The following DPPA2 variants were observed in gnomAD, a reference collection of about 807,000 sequenced individuals.
The protein encoded by DPPA2 is developmental pluripotency associated 2.
A neutral mutation model predicts 36.2 loss-of-function variants in DPPA2; 26 were observed. The observed-to-expected ratio is 0.72, with a 90% confidence interval of 0.53 to 1.00. The LOEUF (loss-of-function observed/expected upper bound fraction) is 1.00. Ranked by LOEUF, DPPA2 falls within the 50% of genes least tolerant of loss-of-function variation. DPPA2 has a pLI of 0.00. For missense variants in DPPA2, 361 were observed against 365.1 expected (o/e 0.99, Z 0.09); for synonymous variants, 113 against 123.2 (o/e 0.92, Z 0.55).
At chr3:109,297,515 TGA>T (rs998169457) in intron 8 of DPPA2, among the ~76,000 whole-genome samples, 4 of 150,690 alleles carry the variant, frequency 2.7e-5, no homozygotes, top group African/African-American at 4.9e-5. Context: ...CTGCACTCTC[TGA>T]GAGAGTCTGT....
intron 8 of DPPA2, among the ~76,000 whole-genome samples, chr3:109,298,920 T>C (rs967059266): frequency 1.3e-5 from 2 of 151,470 alleles, no homozygotes; most frequent in South Asian, 4.2e-4. Context: ...ATGGTGTGTG[T>C]CTGTAGTCCC....
chr3:109,297,754 CA>C (rs1707379726), intron 8 of DPPA2, among the ~76,000 whole-genome samples: 1 of 152,016 alleles, frequency 6.6e-6, no homozygotes. Flanking sequence ...ATCTGAAAGC[CA>C]ATATGAAAAG....
rs181081250 is a variant in DPPA2, at chr3:109,311,662, C to T, written c.181+883G>A. Reference sequence around the variant, plus strand: ...GGCTGAGGCAGGAGAATCGCTTGAACCCAGGAGGCGGAGGTTGCAGTGAGC... The same window carrying T: ...GGCTGAGGCAGGAGAATCGCTTGAATCCAGGAGGCGGAGGTTGCAGTGAGC... On this transcript the variant is annotated intron_variant, in intron 3 of 8. Coordinates refer to ENST00000478945, the MANE Select transcript of DPPA2 (RefSeq NM_138815.4). 1.8e-4 allele frequency among the ~76,000 whole-genome samples: 28 copies of T among 151,948 alleles called. No homozygotes were observed. In the East Asian group the frequency reaches 5.4e-3, roughly 29 times the overall value.
intron 8 of DPPA2, among the ~76,000 whole-genome samples, chr3:109,297,719 G>C (rs1707379175): frequency 6.6e-6 from 1 of 152,168 alleles, no homozygotes; most frequent in Admixed American, 6.6e-5. Context: ...GACAACACAT[G>C]GAGGAATCTT....
Position 109,309,054 on chromosome 3 carries a change from T to G in DPPA2, c.368A>C (p.His123Pro). Residue 123 changes from histidine (H) to proline (P), a missense_variant, in exon 5 of 9, where the codon CAT (histidine) becomes CCT (proline). Transcript: ENST00000478945. ...GKKIEVYLRL[H>P]RHAYPEQRQD... is the part of the protein sequence containing the mutation. ...CCGTTGTTCAGGGTAAGCATGCCTA[T>G]GAAGCCTCAGATAAACTTCGATTTT... The G allele has an allele frequency of 6.2e-7, 1 of 1,614,206 alleles. No homozygotes were observed. Among genetic ancestry groups the G allele is most frequent in the Non-Finnish European group, 8.5e-7 (1 of 1,180,040 alleles).
intron 8 of DPPA2, among the ~76,000 whole-genome samples, chr3:109,297,520 G>C (rs1264898509): frequency 1.3e-5 from 2 of 150,998 alleles, no homozygotes; most frequent in Non-Finnish European, 3.0e-5. Context: ...CTCTCTGAGA[G>C]AGTCTGTCTC....
Position 109,308,177 on chromosome 3 carries a change from C to A in DPPA2, c.513G>T (p.Glu171Asp), listed in dbSNP as rs773197973. 6.2e-7 allele frequency: 1 copy of A among 1,614,216 alleles called. No individual in the cohort carries two copies. Among genetic ancestry groups the A allele is most frequent in the Non-Finnish European group, 8.5e-7 (1 of 1,180,040 alleles). ...AAGTTATCACTTCAACTGTATTGGT[C>A]TCTTCTGCTCTCTCATTCATCTCAT... ...RSYEMNERAE[E>D]TNTVEVITSA... The change falls in exon 6 of 9, where the codon GAG (glutamate) becomes GAT (aspartate). Residue 171 changes from glutamate to aspartate, a missense_variant. By Grantham distance (45) the Glu-to-Asp change is conservative (BLOSUM62 2). Transcript: ENST00000478945.
chr3:109,303,282 C>T (rs1707490979), intron 7 of DPPA2, among the ~76,000 whole-genome samples: 1 of 151,882 alleles, frequency 6.6e-6, no homozygotes, highest in Non-Finnish European at 1.5e-5. Context: ...AACTGGTAAG[C>T]TCTTCCTCAG....
Position 109,300,362 on chromosome 3 carries a change from A to T in DPPA2, c.*22+9T>A. 3 of 1,605,048 alleles carry T rather than the reference A, an allele frequency of 1.9e-6. No individual in the cohort carries two copies. The highest frequency in any genetic ancestry group is 2.6e-6 in the Non-Finnish European group (3 of 1,172,252). ...ACTTATTTTGAGGTGGCATATTCTC[A>T]TCTCTTACATTGTATTCAAACAGGT... On this transcript the variant is annotated intron_variant, in intron 8 of 8. Transcript: ENST00000478945.
chr3:109,298,645 G>C (rs1394421981), intron 8 of DPPA2, among the ~76,000 whole-genome samples: 1 of 151,626 alleles, frequency 6.6e-6, no homozygotes, highest in Non-Finnish European at 1.5e-5. Flanking sequence ...GAACCTGGGA[G>C]GCGGAGGTTC....
At chr3:109,298,347 T>C (rs555000684) in intron 8 of DPPA2, among the ~76,000 whole-genome samples, 51 of 152,170 alleles carry the variant, frequency 3.4e-4, no homozygotes, top group Non-Finnish European at 5.9e-5. Flanking sequence ...TCAGGGAGCC[T>C]GAGGTGGGAG....
intron 8 of DPPA2, among the ~76,000 whole-genome samples, chr3:109,299,768 T>TA (rs397706262): frequency 6.7e-6 from 1 of 149,926 alleles, no homozygotes; most frequent in Non-Finnish European, 1.5e-5. Flanking sequence ...TTTTTTTTTT[T>TA]AGAGACTATG....
chr3:109,308,932 T>C (rs1243375393), intron 5 of DPPA2, 94 bp downstream of exon 5: 9 of 1,452,504 alleles, frequency 6.2e-6, no homozygotes, highest in Admixed American at 1.8e-5. Context: ...AACCCTGCCT[T>C]AGAGGTACAA....
intron 6 of DPPA2, among the ~76,000 whole-genome samples, 200 bp from the exon 7 acceptor site, chr3:109,304,870 G>A (rs931715033): frequency 2.0e-5 from 3 of 152,226 alleles, no homozygotes; most frequent in Admixed American, 6.5e-5. Flanking sequence ...TTGCTGGCTA[G>A]GCGCGGTGGC....
intron 7 of DPPA2, 98 bp from the exon 8 acceptor site, chr3:109,300,533 A>T: frequency 1.6e-6 from 2 of 1,231,398 alleles, no homozygotes; most frequent in Non-Finnish European, 2.4e-6. Flanking sequence ...TAAAGCATGC[A>T]CTTCTGGGCC....
intron 3 of DPPA2, 54 bp from the exon 4 acceptor site, chr3:109,309,384 T>A: frequency 6.2e-7 from 1 of 1,603,782 alleles, no homozygotes; most frequent in Non-Finnish European, 8.5e-7. Flanking sequence ...CAAGATTATT[T>A]TAAAATTTTA....
chr3:109,306,607 TA>T (rs1186630591), intron 6 of DPPA2, among the ~76,000 whole-genome samples: 1 of 151,694 alleles, frequency 6.6e-6, no homozygotes, highest in Non-Finnish European at 1.5e-5. Context: ...ACCCTGGAAA[TA>T]AAAGCAATAG....
chr3:109,305,568 A>G (rs906577527), intron 6 of DPPA2, among the ~76,000 whole-genome samples: 1 of 152,150 alleles, frequency 6.6e-6, no homozygotes, highest in African/African-American at 2.4e-5. Flanking sequence ...TGAGGTCAGG[A>G]GTTCGAGACC....
At chr3:109,310,694 C>T (rs1255947255) in intron 3 of DPPA2, among the ~76,000 whole-genome samples, 2 of 151,606 alleles carry the variant, frequency 1.3e-5, no homozygotes, top group Admixed American at 6.6e-5. Flanking sequence ...TTAGTAGAGA[C>T]GGTGTTTCAC....
Sources: allele counts gnomAD v4.1 joint callset (sites outside exome capture counted in the v4.1 genomes callset), GRCh38; gene constraint gnomAD v4.1.1; transcripts MANE v1.5; gene names NCBI Gene and HGNC (gene_info 2026-07-23, HGNC 2026-07-21).